The following DLGAP2 variants were observed in gnomAD, a reference collection of about 807,000 sequenced individuals.
DLGAP2 encodes the protein DLG associated protein 2, also known as disks large-associated protein 2.
Under a neutral mutation model 100.3 loss-of-function variants are expected in DLGAP2, and 26 were observed. That is an observed-to-expected ratio of 0.26 (90% CI 0.19 to 0.36). The LOEUF (loss-of-function observed/expected upper bound fraction) is 0.36, where lower values mean the gene tolerates loss of function less well. Ranked by LOEUF, DLGAP2 falls within the 10% of genes least tolerant of loss-of-function variation. DLGAP2 has a pLI of 1.00. For synonymous variants in DLGAP2, 886 were observed against 630.1 expected, an observed-to-expected ratio of 1.41 and a Z score of -6.08; for missense variants, 1,858 against 1,453.2, an observed-to-expected ratio of 1.28 and a Z score of -4.53.
intron 2 of DLGAP2, among the ~76,000 whole-genome samples, chr8:1,181,631 C>T (rs1017504027): frequency 2.6e-5 from 4 of 152,034 alleles, no homozygotes; most frequent in African/African-American, 7.2e-5. Context: ...CAATAAGCCC[C>T]CACGACCCAA....
At chr8:1,594,578 A>G (rs752111540) in intron 6 of DLGAP2, among the ~76,000 whole-genome samples, 1 of 152,080 alleles carries the variant, frequency 6.6e-6, no homozygotes, top group Non-Finnish European at 1.5e-5. Flanking sequence ...GAGTGAAGAA[A>G]GCTTACAGAA....
intron 4 of DLGAP2, among the ~76,000 whole-genome samples, chr8:1,503,311 C>T (rs537805935): frequency 4.0e-5 from 6 of 151,602 alleles, no homozygotes. Context: ...GCCCTGGAAC[C>T]CCCATTCTGC....
chr8:1,446,015 CA>C (rs1477975087), intron 3 of DLGAP2, among the ~76,000 whole-genome samples: 2 of 151,310 alleles, frequency 1.3e-5, no homozygotes, highest in African/African-American at 4.9e-5. Flanking sequence ...GAGTAGGTTG[CA>C]AAAATTTTCT....
chr8:1,416,516 C>G (rs948295270), intron 3 of DLGAP2, among the ~76,000 whole-genome samples: 2 of 152,204 alleles, frequency 1.3e-5, no homozygotes, highest in Non-Finnish European at 2.9e-5. Context: ...ACATGGAGTT[C>G]TAGCCCCGCT....
chr8:1,436,355 A>G (rs1563146897), intron 3 of DLGAP2, among the ~76,000 whole-genome samples: 1 of 152,314 alleles, frequency 6.6e-6, no homozygotes, highest in Non-Finnish European at 1.5e-5. Context: ...TGGGAGAAAC[A>G]TGGAGGCTGG....
intron 6 of DLGAP2, chr8:1,622,517 C>A (rs1195416295): frequency 1.3e-5 from 2 of 152,194 alleles, no homozygotes; most frequent in Non-Finnish European, 2.9e-5. Flanking sequence ...GCCCAGGATT[C>A]AGCAAGCAGC....
At position 1,457,975 on chromosome 8, in the gene DLGAP2, C is replaced by CATATATATATAT. The variant is rs57897392; in HGVS notation, c.107-43363_107-43352dup. ...CTGTCAATTGTCTCTGTTCTCTGAT[C>CATATATATATAT]ATATATATATATATATATATATATA... On this transcript the variant is annotated intron_variant, in intron 3 of 14. Transcript: ENST00000637795. Among the ~76,000 whole-genome samples the CATATATATATAT allele has an allele frequency of 4.0e-3, 435 of 107,586 alleles. 1 individual carries two copies. Among genetic ancestry groups the CATATATATATAT allele is most frequent in the Non-Finnish European group, 4.9e-3 (253 of 51,670 alleles). 70.6% of individuals were successfully genotyped at this position (107,586 alleles called of 152,430 possible).
chr8:787,669 C>T (rs568553074), intron 1 of DLGAP2, among the ~76,000 whole-genome samples: 4 of 152,268 alleles, frequency 2.6e-5, no homozygotes, highest in African/African-American at 7.2e-5. Context: ...TGTCTTGCTC[C>T]GGGCCCCCTT....
intron 6 of DLGAP2, among the ~76,000 whole-genome samples, chr8:1,610,301 C>T (rs1342766379): frequency 1.7e-4 from 26 of 152,074 alleles, no homozygotes; most frequent in African/African-American, 6.0e-4. Context: ...GGGTACATAA[C>T]GAAATGAAGG....
At chr8:1,631,615 A>C (rs1017720493) in intron 7 of DLGAP2, among the ~76,000 whole-genome samples, 4 of 152,072 alleles carry the variant, frequency 2.6e-5, no homozygotes, top group Admixed American at 2.0e-4. Context: ...GACCTTTCTG[A>C]AAAAGGCCAC....
chr8:1,575,941 C>T (rs1319671914), intron 6 of DLGAP2, among the ~76,000 whole-genome samples: 2 of 152,006 alleles, frequency 1.3e-5, no homozygotes, highest in East Asian at 1.9e-4. Flanking sequence ...TGTGCATGTG[C>T]CTTTATAGCA....
intron 3 of DLGAP2, among the ~76,000 whole-genome samples, chr8:1,336,725 C>A (rs539183135): frequency 6.6e-6 from 1 of 152,308 alleles, no homozygotes; most frequent in African/African-American, 2.4e-5. Flanking sequence ...AAGACAGATG[C>A]ATTCAGTGAC....
At chr8:1,537,982 G>A (rs1435555171) in intron 4 of DLGAP2, among the ~76,000 whole-genome samples, 2 of 152,268 alleles carry the variant, frequency 1.3e-5, no homozygotes, top group East Asian at 3.9e-4. Flanking sequence ...GGAAGATACT[G>A]CGGGGGGAAC....
chr8:948,897 G>A (rs1799402150), intron 2 of DLGAP2, among the ~76,000 whole-genome samples: 2 of 150,870 alleles, frequency 1.3e-5, no homozygotes, highest in South Asian at 2.1e-4. Context: ...TGGGAGCAGG[G>A]CCCGTGGGCG....
intron 8 of DLGAP2, among the ~76,000 whole-genome samples, chr8:1,666,634 C>G (rs910289247): frequency 6.6e-6 from 1 of 151,552 alleles, no homozygotes; most frequent in Non-Finnish European, 1.5e-5. Flanking sequence ...GAGCTCAGAT[C>G]GCCCCACTGC....
Position 1,575,491 on chromosome 8 carries a change from T to TTATTA in DLGAP2, c.1442+9597_1442+9598insTATTA, listed in dbSNP as rs1563231289. On this transcript the variant is annotated intron_variant, in intron 6 of 14. Coordinates refer to ENST00000637795, the MANE Select transcript of DLGAP2 (RefSeq NM_001346810.2). ...TATTATTATTATTATTATTATTATT[T>TTATTA]AAGTTCTAGGGTACATGTGCACAAT... is the stretch of plus-strand genomic sequence containing the variant. 2.7e-3 allele frequency among the ~76,000 whole-genome samples: 226 copies of TTATTA among 84,518 alleles called. 1 individual carries two copies. The highest frequency in any genetic ancestry group is 8.0e-3 in the African/African-American group (221 of 27,500). 55.4% of individuals were successfully genotyped at this position (84,518 alleles called of 152,430 possible).
chr8:761,793 C>A (rs1011503809), intron 1 of DLGAP2, among the ~76,000 whole-genome samples: 18 of 152,198 alleles, frequency 1.2e-4, no homozygotes, highest in African/African-American at 4.1e-4. Flanking sequence ...GCTGTCCTCA[C>A]CCCTCTGTCC....
intron 2 of DLGAP2, among the ~76,000 whole-genome samples, chr8:1,151,031 T>G (rs1796688320): frequency 6.6e-6 from 1 of 152,260 alleles, no homozygotes; most frequent in African/African-American, 2.4e-5. Context: ...TGCTTTGTTT[T>G]TGATTTGGTC....
chr8:1,564,288 T>G (rs551127785), intron 5 of DLGAP2, among the ~76,000 whole-genome samples: 1 of 152,326 alleles, frequency 6.6e-6, no homozygotes, highest in Admixed American at 6.5e-5. Flanking sequence ...TGTGTTCCAG[T>G]TCCATGACTT....
Sources: allele counts gnomAD v4.1 joint callset (sites outside exome capture counted in the v4.1 genomes callset), GRCh38; gene constraint gnomAD v4.1.1; transcripts MANE v1.5; gene names NCBI Gene and HGNC (gene_info 2026-07-23, HGNC 2026-07-21).